The following RALGPS2 variants were observed in gnomAD, a reference collection of about 807,000 sequenced individuals.
The protein encoded by RALGPS2 is Ral GEF with PH domain and SH3 binding motif 2, also known as ras-specific guanine nucleotide-releasing factor RalGPS2.
A neutral mutation model predicts 86.8 loss-of-function variants in RALGPS2; 43 were observed. That is an observed-to-expected ratio of 0.50 (90% confidence interval 0.39 to 0.64). The LOEUF (loss-of-function observed/expected upper bound fraction) is 0.64, where lower values mean the gene tolerates loss of function less well. RALGPS2 is among the 30% of genes least tolerant of loss of function. The probability of loss-of-function intolerance (pLI) is 0.00; values close to 1 mark genes in which losing one functional copy is unlikely to be tolerated. For synonymous variants in RALGPS2, 243 were observed against 231.3 expected (o/e 1.05, Z -0.46); for missense variants, 536 against 694.6 (o/e 0.77, Z 2.57).
At chr1:178,843,509 G>C (rs1277812316) in intron 8 of RALGPS2, among the ~76,000 whole-genome samples, 2 of 116,338 alleles carry the variant, frequency 1.7e-5, no homozygotes, top group African/African-American at 6.3e-5. Context: ...GTGGTGGGGT[G>C]GGGGGAGGGG....
intron 15 of RALGPS2, among the ~76,000 whole-genome samples, chr1:178,893,547 T>TA (rs1659810477): frequency 6.6e-6 from 1 of 151,690 alleles, no homozygotes; most frequent in Non-Finnish European, 1.5e-5. Flanking sequence ...TACCAGGACT[T>TA]AAAGTTTCTA....
intron 8 of RALGPS2, among the ~76,000 whole-genome samples, chr1:178,874,020 T>A (rs1318538175): frequency 1.3e-5 from 2 of 152,016 alleles, no homozygotes; most frequent in Non-Finnish European, 2.9e-5. Context: ...TAGACACTTT[T>A]CTAACATTAC....
At chr1:178,802,972 T>C (rs1314034325) in intron 4 of RALGPS2, among the ~76,000 whole-genome samples, 3 of 152,164 alleles carry the variant, frequency 2.0e-5, no homozygotes, top group African/African-American at 7.2e-5. Context: ...AAATATTTTT[T>C]GAAAAAAATC....
intron 1 of RALGPS2, chr1:178,746,687 G>A: frequency 5.2e-6 from 4 of 773,434 alleles, no homozygotes; most frequent in East Asian, 2.4e-5. Context: ...TGAATATTAG[G>A]TATCTGTCAA....
At chr1:178,858,461 C>T (rs1657737504) in intron 8 of RALGPS2, among the ~76,000 whole-genome samples, 1 of 152,088 alleles carries the variant, frequency 6.6e-6, no homozygotes, top group Non-Finnish European at 1.5e-5. Context: ...ATTGATTGAT[C>T]TGTGAATCAG....
At chr1:178,829,096 T>C (rs1473382944) in intron 7 of RALGPS2, among the ~76,000 whole-genome samples, 2 of 152,186 alleles carry the variant, frequency 1.3e-5, no homozygotes, top group African/African-American at 4.8e-5. Flanking sequence ...GCCTTACATT[T>C]ACAACAGCAT....
intron 7 of RALGPS2, among the ~76,000 whole-genome samples, chr1:178,831,627 G>A (rs796300040): frequency 2.3e-5 from 2 of 88,132 alleles, no homozygotes; most frequent in Non-Finnish European, 4.6e-5. Flanking sequence ...TGTCCGCCCC[G>A]CCCCCCCCAC....
intron 7 of RALGPS2, among the ~76,000 whole-genome samples, chr1:178,825,756 A>G (rs1394153910): frequency 6.6e-6 from 1 of 152,216 alleles, no homozygotes; most frequent in African/African-American, 2.4e-5. Context: ...CCTTGATCAT[A>G]CTAGCCACAT....
intron 1 of RALGPS2, among the ~76,000 whole-genome samples, chr1:178,773,537 A>T (rs74681102): frequency 0.036 from 5,504 of 152,308 alleles, 123 homozygotes; most frequent in Middle Eastern, 0.058. Context: ...TAGAACTTGT[A>T]GTACTTTTAT....
At chr1:178,845,809 A>C (rs1354579032) in intron 8 of RALGPS2, among the ~76,000 whole-genome samples, 1 of 152,132 alleles carries the variant, frequency 6.6e-6, no homozygotes, top group African/African-American at 2.4e-5. Flanking sequence ...GCCTTTATAG[A>C]ACTTAATATC....
chr1:178,769,364 C>A (rs1224187171), intron 1 of RALGPS2, among the ~76,000 whole-genome samples: 2 of 151,936 alleles, frequency 1.3e-5, no homozygotes, highest in Non-Finnish European at 2.9e-5. Flanking sequence ...TCTGCCTAAG[C>A]GTGCAGTAGA....
At chr1:178,800,717 G>A (rs2102171150) in intron 4 of RALGPS2, among the ~76,000 whole-genome samples, 1 of 152,160 alleles carries the variant, frequency 6.6e-6, no homozygotes, top group Non-Finnish European at 1.5e-5. Flanking sequence ...TTAGATGTGG[G>A]TTTTCAACTG....
intron 8 of RALGPS2, among the ~76,000 whole-genome samples, chr1:178,875,332 T>C (rs1256501445): frequency 6.6e-6 from 1 of 152,192 alleles, no homozygotes; most frequent in Non-Finnish European, 1.5e-5. Flanking sequence ...AGAAGTGTAC[T>C]ATTGTATGTT....
At chr1:178,737,482 G>A (rs1257926555) in intron 1 of RALGPS2, among the ~76,000 whole-genome samples, 2 of 151,998 alleles carry the variant, frequency 1.3e-5, no homozygotes, top group African/African-American at 4.8e-5. Context: ...TCCTGACCTC[G>A]TGATCCACCT....
intron 1 of RALGPS2, among the ~76,000 whole-genome samples, chr1:178,758,496 C>G (rs1470994067): frequency 6.6e-6 from 1 of 152,082 alleles, no homozygotes; most frequent in African/African-American, 2.4e-5. Context: ...CTTATTCTTT[C>G]TAACTGCTTT....
At chr1:178,855,248 T>G (rs1657451496) in intron 8 of RALGPS2, among the ~76,000 whole-genome samples, 1 of 151,840 alleles carries the variant, frequency 6.6e-6, no homozygotes, top group Non-Finnish European at 1.5e-5. Context: ...GAAGGGATTC[T>G]TAGAGACTAT....
intron 11 of RALGPS2, 113 bp from the exon 12 acceptor site, chr1:178,884,963 A>T: frequency 9.6e-7 from 1 of 1,039,482 alleles, no homozygotes; most frequent in Non-Finnish European, 1.3e-6. Flanking sequence ...CAAGCCAATT[A>T]AATAGAACTA....
At chr1:178,872,614 T>TCTGG (rs1658820551) in intron 8 of RALGPS2, among the ~76,000 whole-genome samples, 1 of 152,240 alleles carries the variant, frequency 6.6e-6, no homozygotes, top group Non-Finnish European at 1.5e-5. Flanking sequence ...GCTGCCAGCT[T>TCTGG]CTGGCCTCTG....
At position 178,747,358 on chromosome 1, in the gene RALGPS2, A is replaced by G; in HGVS notation, c.-84+21939A>G. The G allele has an allele frequency of 3.3e-6, 5 of 1,537,648 alleles. No individual in the cohort carries two copies. In the South Asian group the frequency reaches 5.6e-5, roughly 17 times the overall value. On this transcript the variant is annotated intron_variant, in intron 1 of 19. Transcript: ENST00000367635. ...TTGTTCTGGTTTCACCACTATTGATATTTTCTAATTGTGGTAGATGTACTG... is the reference window on the plus strand; with the variant it reads ...TTGTTCTGGTTTCACCACTATTGATGTTTTCTAATTGTGGTAGATGTACTG...
Sources: allele counts gnomAD v4.1 joint callset (sites outside exome capture counted in the v4.1 genomes callset), GRCh38; gene constraint gnomAD v4.1.1; transcripts MANE v1.5; gene names NCBI Gene and HGNC (gene_info 2026-07-23, HGNC 2026-07-21).